EVC2: variants seen among roughly 807,000 people sequenced by gnomAD.
The protein encoded by EVC2 is EvC ciliary complex subunit 2, also known as limbin.
Under a neutral mutation model 149.3 loss-of-function variants are expected in EVC2, and 148 were observed. That is an observed-to-expected ratio of 0.99 (90% CI 0.87 to 1.14). The LOEUF (loss-of-function observed/expected upper bound fraction) is 1.14. Among genes scored for constraint, EVC2 ranks in the 50% most tolerant of loss-of-function variants. EVC2 has a pLI of 0.00. For missense variants in EVC2, 1,854 were observed against 1,627.3 expected, an observed-to-expected ratio of 1.14 and a Z score of -2.40; for synonymous variants, 776 against 649.9, an observed-to-expected ratio of 1.19 and a Z score of -2.95.
At chr4:5,599,331 A>T (rs2108808284) in intron 16 of EVC2, among the ~76,000 whole-genome samples, 1 of 152,204 alleles carries the variant, frequency 6.6e-6, no homozygotes, top group Admixed American at 6.5e-5. Flanking sequence ...CAAATGGCCA[A>T]CAATGATAGA....
chr4:5,622,455 C>A lies in EVC2; in HGVS notation c.2501+82G>T. ...CTGGGGCCAGGTGTCTCATGCTTGG[C>A]CATCCCCACAACCACAGGGCAGGAA... On this transcript the variant is annotated intron_variant, in intron 14 of 21. Coordinates refer to ENST00000344408, the MANE Select transcript of EVC2 (RefSeq NM_147127.5). The surrounding 1 kb of genome is among the most constrained non-coding windows in gnomAD (Gnocchi z 5.8). The A allele has an allele frequency of 6.7e-7, 1 of 1,500,718 alleles. No homozygotes were observed. Among genetic ancestry groups the A allele is most frequent in the South Asian group, 1.2e-5 (1 of 83,516 alleles). 93.0% of individuals were successfully genotyped at this position (1,500,718 alleles called of 1,614,324 possible).
chr4:5,578,066 T>C (rs1285178956), intron 17 of EVC2, among the ~76,000 whole-genome samples: 1 of 152,192 alleles, frequency 6.6e-6, no homozygotes, highest in African/African-American at 2.4e-5. Flanking sequence ...CCCACGTTTA[T>C]AATCTGCTGA....
rs1450567173 is a variant in EVC2 at position 5,618,924 on chromosome 4, T to A, written c.2502-242A>T. On this transcript the variant is annotated intron_variant, in intron 14 of 21. Coordinates refer to ENST00000344408, the MANE Select transcript of EVC2 (RefSeq NM_147127.5). This position sits in a 1 kb window ranked among gnomAD's most constrained non-coding sequence, Gnocchi z 4.4. Reference sequence around the variant, plus strand: ...AATGAGGCCAGGCTGTGAGGGTGCCTTTGAGGAGGCAACAGGCCTTCCAGT... The same window carrying A: ...AATGAGGCCAGGCTGTGAGGGTGCCATTGAGGAGGCAACAGGCCTTCCAGT... 6.6e-6 allele frequency among the ~76,000 whole-genome samples: 1 copy of A among 152,188 alleles called. No individual in the cohort carries two copies. The highest frequency in any genetic ancestry group is 1.5e-5 in the Non-Finnish European group (1 of 68,040).
intron 17 of EVC2, among the ~76,000 whole-genome samples, chr4:5,578,680 G>C (rs1012841701): frequency 6.6e-6 from 1 of 151,640 alleles, no homozygotes; most frequent in African/African-American, 2.4e-5. Context: ...AGGGAAGGAG[G>C]GGAAGAAAGA....
At chr4:5,564,708 C>T (rs531844486) in intron 21 of EVC2, among the ~76,000 whole-genome samples, 94 of 152,294 alleles carry the variant, frequency 6.2e-4, no homozygotes, top group African/African-American at 2.0e-3. Context: ...AATTTGAGAC[C>T]ACTCTGCCCC....
intron 15 of EVC2, among the ~76,000 whole-genome samples, chr4:5,617,750 C>G (rs749123351): frequency 6.6e-6 from 1 of 152,088 alleles, no homozygotes; most frequent in African/African-American, 2.4e-5. Flanking sequence ...AACAGAAGTT[C>G]GAAGGCCTTA....
chr4:5,536,681 T>G, the EVC2 span, among the ~76,000 whole-genome samples: 42 of 151,704 alleles, frequency 2.8e-4, no homozygotes, highest in South Asian at 1.0e-3. Context: ...CTACTCGGGA[T>G]GCTGAGGCAG....
rs1718627865 is a variant in EVC2 at position 5,657,816 on chromosome 4, G to A, written c.1145+5291C>T. Among the ~76,000 whole-genome samples the A allele has an allele frequency of 6.6e-6, 1 of 151,970 alleles. No individual in the cohort carries two copies. The highest frequency in any genetic ancestry group is 6.5e-5 in the Admixed American group (1 of 15,272). On this transcript the variant is annotated intron_variant, in intron 9 of 21. Coordinates refer to ENST00000344408, the MANE Select transcript of EVC2 (RefSeq NM_147127.5). The surrounding 1 kb of genome is among the most constrained non-coding windows in gnomAD (Gnocchi z 4.7). ...AATCAGAATTTCAGGATAAAGAATG[G>A]AGGCAGTGCTGCTGTAGGGAAGGCC... is the stretch of plus-strand genomic sequence containing the variant.
chr4:5,672,487 G>T (rs1414069874), intron 7 of EVC2, among the ~76,000 whole-genome samples: 1 of 152,166 alleles, frequency 6.6e-6, no homozygotes, highest in Admixed American at 6.5e-5. Context: ...GAAATAGGGG[G>T]CATGAAAAGA....
chr4:5,538,038 A>G (rs1351259371), downstream of EVC2, among the ~76,000 whole-genome samples: 1 of 151,396 alleles, frequency 6.6e-6, no homozygotes, highest in Admixed American at 6.6e-5. Context: ...ATAAACCTCT[A>G]GCCAAACTGA....
chr4:5,562,398 G>T, downstream of EVC2: 1 of 948,364 alleles, frequency 1.1e-6, no homozygotes, highest in Non-Finnish European at 1.3e-6. This position sits in a 1 kb window ranked among gnomAD's most constrained non-coding sequence, Gnocchi z 4.3. Context: ...TCAAATAAAT[G>T]CTTCCTACAT....
At chr4:5,691,869 C>A (rs891077539) in intron 3 of EVC2, among the ~76,000 whole-genome samples, 3 of 152,226 alleles carry the variant, frequency 2.0e-5, no homozygotes, top group Non-Finnish European at 4.4e-5. Context: ...AGCCAGGGCT[C>A]ATCCATCAAA....
rs577110102 is a variant in EVC2, at chr4:5,657,213, G to T, written c.1145+5894C>A. Among the ~76,000 whole-genome samples, 1 of 152,142 alleles carries T rather than the reference G, an allele frequency of 6.6e-6. No homozygotes were observed. The highest frequency in any genetic ancestry group is 1.9e-4 in the East Asian group (1 of 5,144). On this transcript the variant is annotated intron_variant, in intron 9 of 21. Coordinates refer to ENST00000344408, the MANE Select transcript of EVC2 (RefSeq NM_147127.5). This position sits in a 1 kb window ranked among gnomAD's most constrained non-coding sequence, Gnocchi z 4.7. ...TAGTAAGCCACTTCCCCGTGGTCAG[G>T]ACTGCTTCACACTTTTTACATTCCC...
In EVC2 at chr4:5,608,961, G is replaced by A. The variant is rs575108130; in HGVS notation, c.2829+6461C>T. Among the ~76,000 whole-genome samples the A allele has an allele frequency of 1.4e-4, 22 of 152,184 alleles. No individual in the cohort carries two copies. In the South Asian group the frequency reaches 2.1e-3, roughly 14 times the overall value. The stretch of plus-strand genomic sequence containing the variant: ...AAAGGGTGAATTCTCTTTCTCTTCC[G>A]GAGCTGGGATATCCATCTTCTCCTT... On this transcript the variant is annotated intron_variant, in intron 16 of 21. Transcript: ENST00000344408.
chr4:5,594,830 T>C (rs1713224022), intron 16 of EVC2, among the ~76,000 whole-genome samples: 1 of 152,104 alleles, frequency 6.6e-6, no homozygotes, highest in Non-Finnish European at 1.5e-5. Context: ...GAAAAAAATT[T>C]AGGCGAATGT....
At chr4:5,681,197 C>T (rs1340135019) in intron 7 of EVC2, 63 bp downstream of exon 7, 2 of 1,586,952 alleles carry the variant, frequency 1.3e-6, no homozygotes, top group East Asian at 4.5e-5. Context: ...GCTCCAAGGA[C>T]AGGCAGGACC....
chr4:5,534,373 G>A, the EVC2 span, among the ~76,000 whole-genome samples: 1 of 152,154 alleles, frequency 6.6e-6, no homozygotes, highest in Non-Finnish European at 1.5e-5. Flanking sequence ...ATGGATGGGT[G>A]GATAGATGGA....
At chr4:5,702,035 C>T (rs777032087) in intron 1 of EVC2, among the ~76,000 whole-genome samples, 2 of 152,130 alleles carry the variant, frequency 1.3e-5, no homozygotes, top group African/African-American at 2.4e-5. Context: ...CTCACCCCTG[C>T]CACGGGGGTG....
rs115084644 is a variant in EVC2 at position 5,574,464 on chromosome 4, A to G, written c.3360+221T>C. On this transcript the variant is annotated intron_variant, in intron 19 of 21. Coordinates refer to ENST00000344408, the MANE Select transcript of EVC2 (RefSeq NM_147127.5). The stretch of plus-strand genomic sequence containing the variant: ...CTGCCAAATCACAGAAAAGACATCG[A>G]CTGGGGCACATGTGATTATGGTTGC... Among the ~76,000 whole-genome samples the G allele has an allele frequency of 8.5e-3, 1,292 of 152,346 alleles. 14 individuals carry two copies. Among genetic ancestry groups the G allele is most frequent in the African/African-American group, 0.03 (1,247 of 41,584 alleles).
Sources: allele counts gnomAD v4.1 joint callset (sites outside exome capture counted in the v4.1 genomes callset), GRCh38; gene constraint gnomAD v4.1.1; non-coding constraint Gnocchi (gnomAD v3.1); transcripts MANE v1.5; gene names NCBI Gene and HGNC (gene_info 2026-07-23, HGNC 2026-07-21).